The following SLIT3 variants were observed in gnomAD, a reference collection of about 807,000 sequenced individuals.
The protein encoded by SLIT3 is slit guidance ligand 3.
Under a neutral mutation model 184.0 loss-of-function variants are expected in SLIT3, and 68 were observed. The ratio of observed to expected loss-of-function variants is 0.37; its 90% CI spans 0.30 to 0.45. SLIT3 has a LOEUF of 0.45. Ranked by LOEUF, SLIT3 falls within the 20% of genes least tolerant of loss-of-function variation. The probability of loss-of-function intolerance (pLI) is 1.00; values close to 1 mark genes in which losing one functional copy is unlikely to be tolerated. For synonymous variants in SLIT3, 831 were observed against 828.6 expected (o/e 1.00, Z -0.05); for missense variants, 1,707 against 2,026.0 (o/e 0.84, Z 3.02).
Position 169,136,594 on chromosome 5 carries a change from C to T in SLIT3, c.413+56885G>A, listed in dbSNP as rs1486367157. Among the ~76,000 whole-genome samples, 4 of 152,210 alleles carry T rather than the reference C, an allele frequency of 2.6e-5. No homozygotes were observed. In the South Asian group the frequency reaches 8.3e-4, roughly 32 times the overall value. On this transcript the variant is annotated intron_variant, in intron 4 of 35. Coordinates refer to ENST00000519560, the MANE Select transcript of SLIT3 (RefSeq NM_003062.4). ...CATGTCAACAAGGCTATGGTGGAAA[C>T]TGCTAACCTGACCATCATGGATGTT...
At chr5:168,765,886 C>T (rs575040678) in intron 14 of SLIT3, among the ~76,000 whole-genome samples, 2 of 151,840 alleles carry the variant, frequency 1.3e-5, no homozygotes, top group South Asian at 2.1e-4. Context: ...CTCAGAACAA[C>T]GACACTTGGT....
At position 168,786,076 on chromosome 5, in the gene SLIT3, A is replaced by T. The variant is rs1023678376; in HGVS notation, c.1080-98T>A. On this transcript the variant is annotated intron_variant, in intron 11 of 35. Coordinates refer to ENST00000519560, the MANE Select transcript of SLIT3 (RefSeq NM_003062.4). ...ATCACCTCGGCCAGTTCTGGGTATG[A>T]GATCTCAGGACAACCCCTTCCACGG... 4 of 796,926 alleles carry T rather than the reference A, an allele frequency of 5.0e-6. No homozygotes were observed. In the African/African-American group the frequency reaches 5.1e-5, roughly 10 times the overall value. The allele number at this position is 796,926 out of a possible 1,614,324, so 49.4% of individuals were successfully genotyped here.
intron 23 of SLIT3, among the ~76,000 whole-genome samples, chr5:168,715,510 G>A (rs1762695757): frequency 6.6e-6 from 1 of 152,120 alleles, no homozygotes; most frequent in South Asian, 2.1e-4. Flanking sequence ...GGCTCTCTCT[G>A]GAACGATGAG....
At chr5:168,759,459 A>G (rs935845304) in intron 16 of SLIT3, among the ~76,000 whole-genome samples, 4 of 152,212 alleles carry the variant, frequency 2.6e-5, no homozygotes, top group African/African-American at 9.6e-5. Context: ...GACACATCAC[A>G]GCCTTTGCAC....
intron 4 of SLIT3, among the ~76,000 whole-genome samples, chr5:169,087,810 CCTTT>C (rs1759371802): frequency 1.3e-5 from 2 of 152,106 alleles, no homozygotes; most frequent in East Asian, 1.9e-4. Flanking sequence ...GTGATTTTTT[CCTTT>C]CTTTATACTT....
Position 169,113,842 on chromosome 5 carries a change from G to A in SLIT3, c.413+79637C>T, listed in dbSNP as rs549979897. Among the ~76,000 whole-genome samples, 6 of 151,948 alleles carry A rather than the reference G, an allele frequency of 3.9e-5. No homozygotes were observed. In the East Asian group the frequency reaches 9.7e-4, roughly 24 times the overall value. On this transcript the variant is annotated intron_variant, in intron 4 of 35. Coordinates refer to ENST00000519560, the MANE Select transcript of SLIT3 (RefSeq NM_003062.4). The stretch of plus-strand genomic sequence containing the variant: ...AGCTAATTTTTGTATTTTTAGTAGA[G>A]GCGGGGTTTCACCATGTTGGCCAGG...
intron 4 of SLIT3, among the ~76,000 whole-genome samples, chr5:168,912,855 C>T (rs138951208): frequency 6.6e-6 from 1 of 152,280 alleles, no homozygotes; most frequent in African/African-American, 2.4e-5. Flanking sequence ...TCCCACTGCT[C>T]TGGTCCTGTT....
intron 33 of SLIT3, among the ~76,000 whole-genome samples, 157 bp downstream of exon 33, chr5:168,673,020 A>G (rs1761300838): frequency 6.6e-6 from 1 of 151,886 alleles, no homozygotes; most frequent in Non-Finnish European, 1.5e-5. Context: ...TCTTTCCTCC[A>G]TGGCCTGGCT....
intron 4 of SLIT3, among the ~76,000 whole-genome samples, chr5:169,033,967 C>G (rs148660864): frequency 0.024 from 3,675 of 152,016 alleles, 162 homozygotes; most frequent in African/African-American, 0.084. Flanking sequence ...TGTCCACCAC[C>G]ACGCCCGGCT....
intron 7 of SLIT3, among the ~76,000 whole-genome samples, chr5:168,821,433 T>G (rs1273969514): frequency 2.0e-5 from 3 of 152,210 alleles, no homozygotes; most frequent in Non-Finnish European, 4.4e-5. Context: ...CACCCTGAGG[T>G]GCACTCTTGG....
intron 4 of SLIT3, among the ~76,000 whole-genome samples, chr5:169,150,851 C>T (rs1021362311): frequency 6.6e-6 from 1 of 152,184 alleles, no homozygotes; most frequent in Non-Finnish European, 1.5e-5. Flanking sequence ...TTCTTAAAAA[C>T]CCACCCTTAC....
At chr5:169,049,338 C>T (rs10058913) in intron 4 of SLIT3, among the ~76,000 whole-genome samples, 8 of 152,042 alleles carry the variant, frequency 5.3e-5, no homozygotes, top group Admixed American at 2.6e-4. Flanking sequence ...TAAGAGGTCT[C>T]GGGGCTTTGA....
chr5:169,158,217 AAGAG>A (rs1486171402), intron 4 of SLIT3, among the ~76,000 whole-genome samples: 3 of 152,240 alleles, frequency 2.0e-5, no homozygotes, highest in African/African-American at 7.2e-5. Context: ...TGAAACCAGC[AAGAG>A]AGAAACAATA....
chr5:168,774,470 C>T (rs1296697489), intron 12 of SLIT3, 92 bp from the exon 13 acceptor site: 13 of 1,312,364 alleles, frequency 9.9e-6, no homozygotes, highest in Admixed American at 2.2e-5. Context: ...CTGCAAAGCT[C>T]CCATCACTCA....
At chr5:169,204,520 G>A (rs1180687411) in intron 3 of SLIT3, among the ~76,000 whole-genome samples, 2 of 152,142 alleles carry the variant, frequency 1.3e-5, no homozygotes, top group Admixed American at 6.5e-5. Flanking sequence ...ACATAGGAGC[G>A]AGGCACATTG....
At position 168,785,864 on chromosome 5, in the gene SLIT3, C is replaced by T. The variant is rs764819500; in HGVS notation, c.1151+43G>A. 48 of 1,443,352 alleles carry T rather than the reference C, an allele frequency of 3.3e-5. 1 individual carries two copies. Among genetic ancestry groups the T allele is most frequent in the South Asian group, 8.0e-5 (7 of 87,670 alleles). The allele number at this position is 1,443,352 out of a possible 1,614,324, so 89.4% of individuals were successfully genotyped here. A position where few individuals can be genotyped will look rare whatever the true frequency, so the allele number is the denominator to read the frequency against. On this transcript the variant is annotated intron_variant, in intron 12 of 35. Transcript: ENST00000519560. ...TCAACGTTTTCAGGTGGGAGCCTTC[C>T]GACAGTACCAAAGACACCAACAGTG...
intron 3 of SLIT3, among the ~76,000 whole-genome samples, chr5:169,214,813 G>C (rs1764383812): frequency 6.6e-6 from 1 of 152,072 alleles, no homozygotes; most frequent in African/African-American, 2.4e-5. Context: ...TCTGAGCAAG[G>C]GCTCATGCTT....
At chr5:169,117,721 T>G (rs1163037213) in intron 4 of SLIT3, among the ~76,000 whole-genome samples, 2 of 152,194 alleles carry the variant, frequency 1.3e-5, no homozygotes, top group Non-Finnish European at 2.9e-5. Context: ...TCTAACAAAC[T>G]CTATTCCCTG....
At position 169,210,400 on chromosome 5, in the gene SLIT3, A is replaced by C. The variant is rs377659059; in HGVS notation, c.342-16850T>G. On this transcript the variant is annotated intron_variant, in intron 3 of 35. Transcript: ENST00000519560. ...CATGGTCATTATTAAAGAGAGGCCA[A>C]GGAAAAAGAAAGGAAGTTGACTTAA... Among the ~76,000 whole-genome samples, 9 of 152,378 alleles carry C rather than the reference A, an allele frequency of 5.9e-5. No homozygotes were observed. In the East Asian group the frequency reaches 7.7e-4, roughly 13 times the overall value.
Sources: gnomAD v4.1 joint callset for allele counts (sites outside exome capture counted in the v4.1 genomes callset) on GRCh38, gnomAD v4.1.1 for gene constraint, MANE v1.5 for transcripts, NCBI Gene and HGNC (gene_info 2026-07-23, HGNC 2026-07-21) for gene names.